NAT1: variants seen among roughly 807,000 people sequenced by gnomAD.
NAT1 encodes N-acetyltransferase 1.
For synonymous variants in NAT1, 144 were observed against 122.6 expected (o/e 1.17, Z -1.16); for missense variants, 400 against 339.2 (o/e 1.18, Z -1.41).
Position 18,175,016 on chromosome 8 carries a change from A to C in NAT1, n.92+4277A>C, listed in dbSNP as rs1469440538. Among the ~76,000 whole-genome samples, 4 of 151,842 alleles carry C rather than the reference A, an allele frequency of 2.6e-5. No homozygotes were observed. In the East Asian group the frequency reaches 7.7e-4, roughly 29 times the overall value. On this transcript the variant is annotated intron_variant and non_coding_transcript_variant, in intron 2 of 4. Coordinates refer to the NAT1 transcript ENST00000517441. ...CCTGCTGCCTGGTTTTATTAAGTTC[A>C]ATATTTCTGTATCATATTCATGATT...
At chr8:18,193,656 G>C (rs1169672417) in intron 2 of NAT1, among the ~76,000 whole-genome samples, 1 of 33,988 alleles carries the variant, frequency 2.9e-5, no homozygotes, top group Non-Finnish European at 5.5e-5. Context: ...TTTTTTTTTC[G>C]AGATGGACTT....
intron 2 of NAT1, among the ~76,000 whole-genome samples, chr8:18,186,283 T>C (rs1802731338): frequency 6.6e-6 from 1 of 152,214 alleles, no homozygotes; most frequent in African/African-American, 2.4e-5. Flanking sequence ...TGTTTTACTG[T>C]ATGATTGTAC....
chr8:18,219,674 G>A (rs1309140412), intron 2 of NAT1, among the ~76,000 whole-genome samples, 185 bp downstream of exon 2: 1 of 152,198 alleles, frequency 6.6e-6, no homozygotes, highest in Non-Finnish European at 1.5e-5. Flanking sequence ...TACTTTCCAA[G>A]TGCTTTCAGC....
At chr8:18,176,334 T>A (rs1802293272) in intron 2 of NAT1, among the ~76,000 whole-genome samples, 1 of 152,136 alleles carries the variant, frequency 6.6e-6, no homozygotes, top group African/African-American at 2.4e-5. Flanking sequence ...GTATTGAACA[T>A]TAACTGTGTA....
intron 1 of NAT1, 22 bp from the exon 2 acceptor site, chr8:18,219,389 C>G: frequency 1.3e-6 from 2 of 1,489,028 alleles, no homozygotes; most frequent in South Asian, 2.5e-5. Context: ...ATATTTCTGA[C>G]TGTCTTTTCT....
chr8:18,182,000 C>T (rs1380070024), intron 2 of NAT1, among the ~76,000 whole-genome samples: 4 of 152,148 alleles, frequency 2.6e-5, no homozygotes, highest in African/African-American at 9.7e-5. Flanking sequence ...TACAAATTCC[C>T]ATACCCACTT....
chr8:18,175,184 T>C (rs1298995805), intron 2 of NAT1, among the ~76,000 whole-genome samples: 2 of 152,112 alleles, frequency 1.3e-5, no homozygotes. Context: ...AATTAACATA[T>C]CTATCACCTT....
chr8:18,222,507 G>C lies in NAT1; in HGVS notation c.460G>C (p.Glu154Gln), dbSNP rs566014052. ...GGTGCCTTGTGTCTTCCGTTTGACG[G>C]AAGAGAATGGATTCTGGTATCTAGA... ...PQVPCVFRLT[E>Q]ENGFWYLDQI... Residue 154 changes from glutamate to glutamine, a missense_variant, in exon 3 of 3, where the codon GAA (glutamate) becomes CAA (glutamine). Physicochemically the swap from Glu to Gln is conservative, Grantham distance 29. Transcript: ENST00000307719. The C allele has an allele frequency of 6.2e-7, 1 of 1,614,092 alleles. No homozygotes were observed. Among genetic ancestry groups the C allele is most frequent in the Admixed American group, 1.7e-5 (1 of 60,004 alleles).
chr8:18,185,055 TTCA>T (rs1802677601), intron 2 of NAT1, among the ~76,000 whole-genome samples: 1 of 70,468 alleles, frequency 1.4e-5, no homozygotes, highest in East Asian at 3.9e-4. Context: ...TTTTTCAGGT[TTCA>T]GGAGTGCTTG....
chr8:18,219,771 T>C (rs1225296487), intron 2 of NAT1, among the ~76,000 whole-genome samples: 1 of 152,234 alleles, frequency 6.6e-6, no homozygotes, highest in East Asian at 1.9e-4. Context: ...TACAACATAT[T>C]GCTCTATCCA....
rs116892241 is a variant in NAT1 at position 18,176,301 on chromosome 8, G to C, written n.92+5562G>C. ...CTTGCCCACACCAATGTCATGGAGA[G>C]TATCCTCAATTTGATTTTCACAGTA... On this transcript the variant is annotated intron_variant and non_coding_transcript_variant, in intron 2 of 4. Transcript: ENST00000517441. 8.0e-4 allele frequency among the ~76,000 whole-genome samples: 122 copies of C among 152,160 alleles called. No homozygotes were observed. The East Asian group carries it at 0.013, about 16-fold the overall frequency.
At chr8:18,183,800 G>T (rs1029557654) in intron 2 of NAT1, among the ~76,000 whole-genome samples, 11 of 152,182 alleles carry the variant, frequency 7.2e-5, no homozygotes, top group Non-Finnish European at 1.2e-4. Context: ...AGGGGTAGCA[G>T]GTTTCAAGTC....
intron 2 of NAT1, among the ~76,000 whole-genome samples, chr8:18,220,309 G>T (rs930616537): frequency 6.6e-6 from 1 of 152,056 alleles, no homozygotes; most frequent in Non-Finnish European, 1.5e-5. Flanking sequence ...GGATAGCTGG[G>T]TCAGAAAGGA....
chr8:18,207,030 T>C (rs139774537), upstream of NAT1, among the ~76,000 whole-genome samples: 1,268 of 152,314 alleles, frequency 8.3e-3, 13 homozygotes, highest in African/African-American at 0.028. Context: ...CTTTAATCCA[T>C]CTTGACTTAA....
Position 18,171,173 on chromosome 8 carries a change from A to G in NAT1, n.92+434A>G, listed in dbSNP as rs556435095. Reference sequence around the variant, plus strand: ...GTCTGACTGGGTCAGACAGAACTCAACTGGGCTCTGTAGATAGGTAGAGTT... The same window carrying G: ...GTCTGACTGGGTCAGACAGAACTCAGCTGGGCTCTGTAGATAGGTAGAGTT... On this transcript the variant is annotated intron_variant and non_coding_transcript_variant, in intron 2 of 4. Transcript: ENST00000517441. Among the ~76,000 whole-genome samples the G allele has an allele frequency of 1.8e-4, 28 of 152,324 alleles. 1 individual carries two copies. The South Asian group carries it at 3.9e-3, about 21-fold the overall frequency.
intron 2 of NAT1, among the ~76,000 whole-genome samples, chr8:18,177,231 G>A (rs1802328836): frequency 6.6e-6 from 1 of 151,846 alleles, no homozygotes; most frequent in Non-Finnish European, 1.5e-5. Flanking sequence ...ATCTTTTCTT[G>A]TTCCCTCTTT....
At chr8:18,196,856 T>C (rs906637045) in intron 2 of NAT1, among the ~76,000 whole-genome samples, 1 of 152,180 alleles carries the variant, frequency 6.6e-6, no homozygotes, top group African/African-American at 2.4e-5. Context: ...GTATGTGATG[T>C]TAGAGTTCAC....
At chr8:18,201,233 A>G (rs562208157) in intron 2 of NAT1, 5 of 152,332 alleles carry the variant, frequency 3.3e-5, no homozygotes, top group South Asian at 4.1e-4. Context: ...TCATAATTTA[A>G]TGAGTCAAAA....
At chr8:18,189,384 G>C (rs1359891204) in intron 2 of NAT1, among the ~76,000 whole-genome samples, 2 of 152,032 alleles carry the variant, frequency 1.3e-5, no homozygotes, top group Non-Finnish European at 2.9e-5. Context: ...CTCTCATTTG[G>C]AGAGTAGTAC....
Sources: allele counts gnomAD v4.1 joint callset (sites outside exome capture counted in the v4.1 genomes callset), GRCh38; gene constraint gnomAD v4.1.1; transcripts MANE v1.5; gene names NCBI Gene and HGNC (gene_info 2026-07-23, HGNC 2026-07-21).